Variants in MYO3B observed in about 807,000 individuals in gnomAD.
MYO3B encodes myosin IIIB.
In MYO3B, 156 loss-of-function variants were observed where a neutral mutation model predicts 174.6. That is an observed-to-expected ratio of 0.89 (90% CI 0.78 to 1.02). The LOEUF (loss-of-function observed/expected upper bound fraction) is 1.02, where lower values mean the gene tolerates loss of function less well. MYO3B is among the 50% of genes least tolerant of loss of function. The probability of loss-of-function intolerance (pLI) is 0.00; values close to 1 mark genes in which losing one functional copy is unlikely to be tolerated. For synonymous variants in MYO3B, 563 were observed against 569.1 expected, an observed-to-expected ratio of 0.99 and a Z score of 0.15; for missense variants, 1,632 against 1,639.4, an observed-to-expected ratio of 1.00 and a Z score of 0.08.
At chr2:170,299,125 T>C (rs954062042) in intron 7 of MYO3B, among the ~76,000 whole-genome samples, 4 of 152,206 alleles carry the variant, frequency 2.6e-5, no homozygotes, top group Non-Finnish European at 1.5e-5. Context: ...ATTATGATAT[T>C]TCTTATGCTT....
intron 30 of MYO3B, among the ~76,000 whole-genome samples, chr2:170,520,536 G>A (rs1688617067): frequency 6.6e-6 from 1 of 151,000 alleles, no homozygotes; most frequent in Non-Finnish European, 1.5e-5. Flanking sequence ...CTCATTTGGG[G>A]GAGATATATA....
chr2:170,320,691 AT>A (rs1347597354), intron 7 of MYO3B, among the ~76,000 whole-genome samples: 2 of 152,024 alleles, frequency 1.3e-5, no homozygotes, highest in Non-Finnish European at 2.9e-5. Context: ...TTACATATAT[AT>A]ATGTGCTTAT....
At chr2:170,539,998 A>G (rs987955122) in intron 30 of MYO3B, among the ~76,000 whole-genome samples, 2 of 152,154 alleles carry the variant, frequency 1.3e-5, no homozygotes, top group African/African-American at 2.4e-5. Context: ...GTCTTATGGT[A>G]CACTGCTTAC....
At chr2:170,618,304 T>G (rs956013248) in intron 32 of MYO3B, among the ~76,000 whole-genome samples, 1 of 152,112 alleles carries the variant, frequency 6.6e-6, no homozygotes, top group Non-Finnish European at 1.5e-5. Flanking sequence ...ATGTATAGTT[T>G]TTAACAGTCT....
chr2:170,279,429 T>C (rs532675708), intron 7 of MYO3B, among the ~76,000 whole-genome samples: 2 of 152,002 alleles, frequency 1.3e-5, no homozygotes, highest in East Asian at 3.9e-4. Context: ...TATGTCTTTT[T>C]TTGAGAAATG....
intron 6 of MYO3B, among the ~76,000 whole-genome samples, chr2:170,221,789 A>G (rs1392002014): frequency 6.6e-6 from 1 of 152,058 alleles, no homozygotes; most frequent in Non-Finnish European, 1.5e-5. Context: ...CTGGTCTCCA[A>G]CTCCTAAGCT....
intron 7 of MYO3B, among the ~76,000 whole-genome samples, chr2:170,282,098 T>C (rs2093515943): frequency 6.6e-6 from 1 of 152,224 alleles, no homozygotes. Context: ...TGCAGCTTTT[T>C]AGTTAATATC....
intron 27 of MYO3B, among the ~76,000 whole-genome samples, chr2:170,501,235 C>T (rs1687250541): frequency 1.3e-5 from 2 of 152,196 alleles, no homozygotes; most frequent in Non-Finnish European, 2.9e-5. Flanking sequence ...CACTGCACAT[C>T]TTTCCTCTCC....
chr2:170,509,767 G>A (rs750035182), intron 28 of MYO3B, among the ~76,000 whole-genome samples: 28 of 144,812 alleles, frequency 1.9e-4, no homozygotes, highest in Non-Finnish European at 3.3e-4. Context: ...TGTAAAGCCA[G>A]AAATTCTAAA....
At chr2:170,621,812 C>T (rs1015092799) in intron 32 of MYO3B, among the ~76,000 whole-genome samples, 3 of 152,104 alleles carry the variant, frequency 2.0e-5, no homozygotes, top group African/African-American at 4.8e-5. Context: ...CATTAGCCAC[C>T]ATGCCCGGCT....
chr2:170,501,243 TC>T (rs1308929378), intron 27 of MYO3B, among the ~76,000 whole-genome samples: 1 of 152,140 alleles, frequency 6.6e-6, no homozygotes, highest in Non-Finnish European at 1.5e-5. Context: ...ATCTTTCCTC[TC>T]CCTCAGCATA....
chr2:170,511,209 G>T (rs1477363640), intron 28 of MYO3B, among the ~76,000 whole-genome samples: 1 of 151,440 alleles, frequency 6.6e-6, no homozygotes, highest in Non-Finnish European at 1.5e-5. Flanking sequence ...ACAGGCGCCC[G>T]CCACCACGCC....
At chr2:170,460,513 C>T (rs1278976417) in intron 23 of MYO3B, among the ~76,000 whole-genome samples, 1 of 93,178 alleles carries the variant, frequency 1.1e-5, no homozygotes, top group Non-Finnish European at 2.2e-5. Flanking sequence ...AAAAAAAAGA[C>T]ATATGACCTA....
At chr2:170,609,597 G>A (rs1356114429) in intron 32 of MYO3B, among the ~76,000 whole-genome samples, 6 of 152,320 alleles carry the variant, frequency 3.9e-5, no homozygotes, top group Middle Eastern at 3.4e-3. Flanking sequence ...TCAAACTAGC[G>A]TAGACCAAAA....
intron 25 of MYO3B, among the ~76,000 whole-genome samples, chr2:170,486,344 G>T (rs1027645503): frequency 6.2e-5 from 6 of 96,300 alleles, no homozygotes; most frequent in South Asian, 3.3e-4. Flanking sequence ...CGCTCTTGTT[G>T]CCCAGGCTGG....
chr2:170,223,586 C>T (rs2092923315), intron 6 of MYO3B, among the ~76,000 whole-genome samples: 1 of 152,156 alleles, frequency 6.6e-6, no homozygotes, highest in South Asian at 2.1e-4. Flanking sequence ...CAATGTAACC[C>T]GTGTCCGCTG....
chr2:170,537,448 A>ATTTTTTTTTTTTTTTTTTTTTTTTTTTT (rs559086883), intron 30 of MYO3B, among the ~76,000 whole-genome samples: 1 of 54,824 alleles, frequency 1.8e-5, no homozygotes, highest in East Asian at 7.2e-4. Context: ...GAGCTCTTTG[A>ATTTTTTTTTTTTTTTTTTTTTTTTTTTT]TTTTTTTTTT....
intron 32 of MYO3B, chr2:170,601,975 G>A (rs1694537117): frequency 4.7e-6 from 4 of 853,552 alleles, no homozygotes; most frequent in Non-Finnish European, 7.9e-6. Context: ...CTTCTTTTTT[G>A]TCTCCCCTTT....
chr2:170,264,542 C>A (rs1011400351), intron 7 of MYO3B, among the ~76,000 whole-genome samples: 3 of 152,188 alleles, frequency 2.0e-5, no homozygotes, highest in African/African-American at 7.2e-5. Flanking sequence ...TACAGTCATC[C>A]TTAATCCACC....
Sources: allele counts gnomAD v4.1 joint callset (sites outside exome capture counted in the v4.1 genomes callset), GRCh38; gene constraint gnomAD v4.1.1; transcripts MANE v1.5; gene names NCBI Gene and HGNC (gene_info 2026-07-23, HGNC 2026-07-21).